Variants in L3MBTL3 observed in about 807,000 individuals in gnomAD.
L3MBTL3 encodes the protein L3MBTL histone methyl-lysine binding protein 3.
A neutral mutation model predicts 102.3 loss-of-function variants in L3MBTL3; 27 were observed. The ratio of observed to expected loss-of-function variants is 0.26; its 90% CI spans 0.19 to 0.36. The LOEUF is 0.36. Ranked by LOEUF, L3MBTL3 falls within the 10% of genes least tolerant of loss-of-function variation. The probability of loss-of-function intolerance (pLI) is 1.00; values close to 1 mark genes in which losing one functional copy is unlikely to be tolerated. For synonymous variants in L3MBTL3, 340 were observed against 320.9 expected (o/e 1.06, Z -0.64); for missense variants, 798 against 955.3 (o/e 0.84, Z 2.17).
intron 22 of L3MBTL3, among the ~76,000 whole-genome samples, chr6:130,135,179 G>A (rs1787507618): frequency 6.7e-6 from 1 of 149,724 alleles, no homozygotes; most frequent in African/African-American, 2.5e-5. Context: ...TCCTGCCTCA[G>A]CCACCTGAGT....
chr6:130,038,974 A>G (rs990008087), intron 2 of L3MBTL3, among the ~76,000 whole-genome samples: 1 of 152,206 alleles, frequency 6.6e-6, no homozygotes, highest in African/African-American at 2.4e-5. Context: ...ATTCCAGCAG[A>G]AATTAGCTGT....
At chr6:130,084,607 C>G (rs1344619169) in intron 15 of L3MBTL3, among the ~76,000 whole-genome samples, 2 of 152,164 alleles carry the variant, frequency 1.3e-5, no homozygotes, top group Non-Finnish European at 2.9e-5. Flanking sequence ...AGAGTTATGC[C>G]ATATTTGTGA....
Position 130,092,811 on chromosome 6 carries a change from C to G in L3MBTL3, c.1585C>G (p.Pro529Ala). 6.2e-7 allele frequency: 1 copy of G among 1,613,142 alleles called. No homozygotes were observed. Among genetic ancestry groups the G allele is most frequent in the Non-Finnish European group, 8.5e-7 (1 of 1,179,310 alleles). Residue 529 changes from proline to alanine, a missense_variant, in exon 17 of 23, where the codon CCT becomes GCT. Pro to Ala is a conservative substitution (Grantham distance 27). Coordinates refer to ENST00000361794, the MANE Select transcript of L3MBTL3 (RefSeq NM_032438.4). ...WIDADSPDIH[P>A]VGWCSKTGHP... is the part of the protein sequence containing the mutation. The stretch of plus-strand genomic sequence containing the variant: ...AGATGCAGATTCTCCTGATATTCAC[C>G]CTGTAGGCTGGTGTTCAAAAACAGG...
chr6:130,126,233 C>T (rs1434092801), intron 20 of L3MBTL3, among the ~76,000 whole-genome samples: 1 of 151,932 alleles, frequency 6.6e-6, no homozygotes, highest in Non-Finnish European at 1.5e-5. Flanking sequence ...TTGTTGTATT[C>T]CTGGGAAAGG....
At chr6:130,109,019 C>T (rs995684295) in intron 19 of L3MBTL3, among the ~76,000 whole-genome samples, 1 of 152,126 alleles carries the variant, frequency 6.6e-6, no homozygotes, top group Admixed American at 6.5e-5. Flanking sequence ...ATCCATGTCC[C>T]TGCAAAGGAC....
chr6:130,068,271 A>G, intron 11 of L3MBTL3, 59 bp from the exon 12 acceptor site: 1 of 881,852 alleles, frequency 1.1e-6, no homozygotes. Context: ...TGGGACTGGA[A>G]AACTAAGTGT....
intron 2 of L3MBTL3, among the ~76,000 whole-genome samples, chr6:130,037,678 G>A (rs912543924): frequency 1.3e-5 from 2 of 152,084 alleles, no homozygotes; most frequent in Non-Finnish European, 2.9e-5. Context: ...CACATTAATG[G>A]TACACATGTG....
intron 20 of L3MBTL3, among the ~76,000 whole-genome samples, chr6:130,128,402 G>A (rs1786764876): frequency 1.3e-5 from 2 of 152,110 alleles, no homozygotes; most frequent in African/African-American, 2.4e-5. Context: ...GGTTAGAGGT[G>A]GTTGCTGGAA....
intron 19 of L3MBTL3, among the ~76,000 whole-genome samples, chr6:130,109,557 G>A (rs1785222145): frequency 6.6e-6 from 1 of 152,104 alleles, no homozygotes; most frequent in African/African-American, 2.4e-5. Flanking sequence ...GGGGTTGTTT[G>A]TTTTTTTCTT....
rs1361908409 is a variant in L3MBTL3 at position 130,055,627 on chromosome 6, CCTCCCTCCCTCCCTCCCTCTCT to C, written c.667+388_667+409del. On this transcript the variant is annotated intron_variant, in intron 8 of 22. Coordinates refer to ENST00000361794, the MANE Select transcript of L3MBTL3 (RefSeq NM_032438.4). Reference sequence around the variant, plus strand: ...CTCTGTCTCCGCCTCTCCCTGTCTCCCTCCCTCCCTCCCTCCCTCTCTCTCCCTCCCTCCCTCTCTCTCCCTC... The same window carrying C: ...CTCTGTCTCCGCCTCTCCCTGTCTCCCTCCCTCCCTCCCTCTCTCTCCCTC... Among the ~76,000 whole-genome samples, 156 of 59,546 alleles carry C rather than the reference CCTCCCTCCCTCCCTCCCTCTCT, an allele frequency of 2.6e-3. 3 individuals are homozygous for C. Among genetic ancestry groups the C allele is most frequent in the African/African-American group, 8.6e-3 (148 of 17,306 alleles). The allele number at this position is 59,546 out of a possible 152,430, so 39.1% of individuals were successfully genotyped here.
chr6:130,064,096 A>C (rs1782089153), intron 10 of L3MBTL3, among the ~76,000 whole-genome samples: 1 of 152,212 alleles, frequency 6.6e-6, no homozygotes, highest in South Asian at 2.1e-4. Flanking sequence ...TTTCCTTCCC[A>C]TCACCATTTA....
chr6:130,079,038 A>G (rs1163986396), intron 14 of L3MBTL3, among the ~76,000 whole-genome samples: 1 of 152,172 alleles, frequency 6.6e-6, no homozygotes, highest in African/African-American at 2.4e-5. Context: ...ATATTTAAAT[A>G]TATTGTCTAA....
intron 16 of L3MBTL3, among the ~76,000 whole-genome samples, chr6:130,086,502 A>G (rs1044608802): frequency 1.3e-5 from 2 of 152,224 alleles, no homozygotes; most frequent in Non-Finnish European, 2.9e-5. Flanking sequence ...AGTAGATACA[A>G]CACATTAAAG....
At chr6:130,037,956 G>A (rs1021176301) in intron 2 of L3MBTL3, among the ~76,000 whole-genome samples, 1 of 151,304 alleles carries the variant, frequency 6.6e-6, no homozygotes, top group African/African-American at 2.4e-5. Context: ...CTAGCCTCTA[G>A]TAACCACTGT....
chr6:130,086,155 T>G lies in L3MBTL3; in HGVS notation c.1423T>G (p.Phe475Val), dbSNP rs760580302. 2 of 1,612,566 alleles carry G rather than the reference T, an allele frequency of 1.2e-6. No individual in the cohort carries two copies. Among genetic ancestry groups the G allele is most frequent in the Non-Finnish European group, 1.7e-6 (2 of 1,179,230 alleles). The part of the protein sequence containing the change: ...RAFKVKPPHG[F>V]QKKMKLEVVD... ...TTTGTGGCAGAAACCTCCTCATGGA[T>G]TCCAGAAAAAAATGAAGCTTGAGGT... Residue 475 changes from phenylalanine (F) to valine (V), a missense_variant, in exon 16 of 23, where the codon TTC (phenylalanine) becomes GTC (valine). Physicochemically the swap from Phe to Val is conservative, Grantham distance 50. Around this residue, in one of 4 missense-constraint regions of L3MBTL3, gnomAD observed 306 missense variants for 314.4 expected, o/e 0.97. Coordinates refer to ENST00000361794, the MANE Select transcript of L3MBTL3 (RefSeq NM_032438.4).
intron 2 of L3MBTL3, among the ~76,000 whole-genome samples, chr6:130,035,435 G>A (rs998329494): frequency 2.6e-5 from 4 of 152,196 alleles, no homozygotes; most frequent in African/African-American, 9.6e-5. Flanking sequence ...GTAGGAGAGA[G>A]ATAGGAGGTA....
At chr6:130,096,140 C>CG (rs1381244053) in intron 18 of L3MBTL3, among the ~76,000 whole-genome samples, 1 of 152,024 alleles carries the variant, frequency 6.6e-6, no homozygotes, top group African/African-American at 2.4e-5. Flanking sequence ...GGTGAGGCCA[C>CG]GGGGGGTACT....
At chr6:130,054,792 C>T (rs911178824) in intron 7 of L3MBTL3, among the ~76,000 whole-genome samples, 2 of 152,086 alleles carry the variant, frequency 1.3e-5, no homozygotes, top group Non-Finnish European at 2.9e-5. Context: ...CTTGAAAACC[C>T]AGGGAAAGGG....
intron 20 of L3MBTL3, among the ~76,000 whole-genome samples, chr6:130,132,373 C>G (rs1787146314): frequency 6.6e-6 from 1 of 152,118 alleles, no homozygotes; most frequent in Admixed American, 6.6e-5. Flanking sequence ...GTGTGCTGGC[C>G]ACGTTTTGTT....
Sources: gnomAD v4.1 joint callset for allele counts (sites outside exome capture counted in the v4.1 genomes callset) on GRCh38, gnomAD v4.1.1 for gene constraint, gnomAD v4.1.1 regional missense constraint, MANE v1.5 for transcripts, NCBI Gene and HGNC (gene_info 2026-07-23, HGNC 2026-07-21) for gene names.